PKIB: variants seen among roughly 807,000 people sequenced by gnomAD.
PKIB encodes PKI-beta.
Under a neutral mutation model 4.5 loss-of-function variants are expected in PKIB, and 2 were observed. The observed-to-expected ratio is 0.44, with a 90% confidence interval of 0.18 to 1.39. The LOEUF is 1.39. Among genes scored for constraint, PKIB ranks in the 40% most tolerant of loss-of-function variants. The probability of loss-of-function intolerance (pLI) is 0.27; values close to 1 mark genes in which losing one functional copy is unlikely to be tolerated. For missense variants in PKIB, 94 were observed against 92.6 expected (o/e 1.02, Z -0.06); for synonymous variants, 38 against 36.0 (o/e 1.06, Z -0.20).
intron 2 of PKIB, among the ~76,000 whole-genome samples, chr6:122,523,633 A>G (rs892271534): frequency 6.6e-6 from 1 of 152,110 alleles, no homozygotes; most frequent in Non-Finnish European, 1.5e-5. Context: ...AAATACAAAA[A>G]TTAGTGGGGC....
At chr6:122,520,665 A>ACCCCCCCCCCC (rs10650320) in intron 2 of PKIB, among the ~76,000 whole-genome samples, 3 of 107,986 alleles carry the variant, frequency 2.8e-5, no homozygotes, top group African/African-American at 3.6e-5. Flanking sequence ...TTATGTTCCC[A>ACCCCCCCCCCC]CCCCCCCCCC....
chr6:122,703,265 T>A (rs966162284), intron 3 of PKIB, among the ~76,000 whole-genome samples: 1 of 152,172 alleles, frequency 6.6e-6, no homozygotes, highest in Non-Finnish European at 1.5e-5. Context: ...TTGAAAAGAA[T>A]AATTGAGGGT....
chr6:122,658,583 A>G (rs1776862607), intron 2 of PKIB, among the ~76,000 whole-genome samples: 1 of 152,012 alleles, frequency 6.6e-6, no homozygotes, highest in South Asian at 2.1e-4. Flanking sequence ...GATGTGATGC[A>G]CAGATCACTA....
chr6:122,679,102 C>T (rs1310594994), intron 3 of PKIB, among the ~76,000 whole-genome samples: 1 of 152,168 alleles, frequency 6.6e-6, no homozygotes, highest in Non-Finnish European at 1.5e-5. Context: ...AAGTGCATCC[C>T]AAACAAGGTG....
intron 2 of PKIB, among the ~76,000 whole-genome samples, chr6:122,533,833 T>C (rs1777329039): frequency 6.6e-6 from 1 of 152,128 alleles, no homozygotes; most frequent in Non-Finnish European, 1.5e-5. Flanking sequence ...GGTCTGTGCC[T>C]AAAATCTTAT....
At chr6:122,697,640 G>GT (rs758369351) in intron 3 of PKIB, among the ~76,000 whole-genome samples, 1 of 152,088 alleles carries the variant, frequency 6.6e-6, no homozygotes, top group Non-Finnish European at 1.5e-5. Flanking sequence ...CATCAAGGGG[G>GT]TAGAGGGACA....
chr6:122,538,691 A>G (rs1441537245), intron 2 of PKIB, among the ~76,000 whole-genome samples: 1 of 152,054 alleles, frequency 6.6e-6, no homozygotes, highest in Non-Finnish European at 1.5e-5. Context: ...TGAACTTTAA[A>G]GTAGTTTTTT....
intron 2 of PKIB, among the ~76,000 whole-genome samples, chr6:122,503,680 G>T (rs1248762908): frequency 6.6e-6 from 1 of 152,234 alleles, no homozygotes; most frequent in East Asian, 1.9e-4. Flanking sequence ...ACAAGGCAAA[G>T]TGAATACCCT....
chr6:122,654,339 T>C (rs1776685714), intron 2 of PKIB, among the ~76,000 whole-genome samples: 1 of 152,152 alleles, frequency 6.6e-6, no homozygotes, highest in African/African-American at 2.4e-5. Flanking sequence ...AGATGCAAAG[T>C]GTATTTTCCT....
intron 1 of PKIB, among the ~76,000 whole-genome samples, chr6:122,632,139 G>A (rs1199559637): frequency 6.6e-6 from 1 of 152,134 alleles, no homozygotes; most frequent in African/African-American, 2.4e-5. Context: ...AAATGGAATT[G>A]GAATGAAGAG....
chr6:122,718,792 T>G (rs866991935), intron 4 of PKIB, among the ~76,000 whole-genome samples: 4 of 152,128 alleles, frequency 2.6e-5, no homozygotes, highest in Admixed American at 2.0e-4. Flanking sequence ...GGAGGTTATT[T>G]ACTACCTGGT....
intron 2 of PKIB, among the ~76,000 whole-genome samples, chr6:122,641,071 G>A (rs936787924): frequency 6.6e-6 from 1 of 152,086 alleles, no homozygotes; most frequent in African/African-American, 2.4e-5. Context: ...AAATGCAACA[G>A]TTAAGTCTCC....
intron 1 of PKIB, among the ~76,000 whole-genome samples, chr6:122,610,835 T>A (rs1774722614): frequency 1.3e-5 from 2 of 152,142 alleles, no homozygotes; most frequent in South Asian, 4.1e-4. Context: ...GCCCTGCAGG[T>A]GGCCATTGAT....
At chr6:122,596,826 G>A (rs562466153) in intron 3 of PKIB, among the ~76,000 whole-genome samples, 87 of 152,314 alleles carry the variant, frequency 5.7e-4, no homozygotes, top group African/African-American at 2.0e-3. Context: ...AAAGCAGATT[G>A]CACAGCAGCC....
intron 2 of PKIB, among the ~76,000 whole-genome samples, chr6:122,499,554 C>T (rs947951992): frequency 6.6e-6 from 1 of 152,136 alleles, no homozygotes; most frequent in Non-Finnish European, 1.5e-5. Context: ...ATCAAAGAAA[C>T]ATATATCAAA....
chr6:122,548,491 T>C (rs1772574346), intron 2 of PKIB, among the ~76,000 whole-genome samples: 1 of 152,242 alleles, frequency 6.6e-6, no homozygotes, highest in Non-Finnish European at 1.5e-5. Context: ...ATCAAATATT[T>C]ATTCTAGCTG....
At chr6:122,492,065 C>T (rs537058683) in intron 2 of PKIB, among the ~76,000 whole-genome samples, 29 of 152,206 alleles carry the variant, frequency 1.9e-4, no homozygotes, top group African/African-American at 7.0e-4. Flanking sequence ...GAGGCTTAAG[C>T]CACACATCTC....
chr6:122,556,826 A>G (rs1305535597), intron 2 of PKIB, among the ~76,000 whole-genome samples: 1 of 152,244 alleles, frequency 6.6e-6, no homozygotes, highest in African/African-American at 2.4e-5. Context: ...ACCAAGCCAC[A>G]TGTGCTACCT....
chr6:122,652,154 A>C (rs1172705440), intron 2 of PKIB, among the ~76,000 whole-genome samples: 3 of 152,198 alleles, frequency 2.0e-5, no homozygotes, highest in Non-Finnish European at 4.4e-5. Flanking sequence ...CTCTTAGGGC[A>C]GAAATCTGTA....
Sources: gnomAD v4.1 joint callset for allele counts (sites outside exome capture counted in the v4.1 genomes callset) on GRCh38, gnomAD v4.1.1 for gene constraint, MANE v1.5 for transcripts, NCBI Gene and HGNC (gene_info 2026-07-23, HGNC 2026-07-21) for gene names.